NOX4: variants seen among roughly 807,000 people sequenced by gnomAD.
The protein encoded by NOX4 is kidney oxidase-1.
In NOX4, 69 loss-of-function variants were observed where a neutral mutation model predicts 87.6. That is an observed-to-expected ratio of 0.79 (90% CI 0.65 to 0.96). NOX4 has a LOEUF of 0.96. Ranked by LOEUF, NOX4 falls within the 40% of genes least tolerant of loss-of-function variation. NOX4 has a pLI of 0.00. For synonymous variants in NOX4, 275 were observed against 238.2 expected, an observed-to-expected ratio of 1.15 and a Z score of -1.42; for missense variants, 680 against 681.5, an observed-to-expected ratio of 1.00 and a Z score of 0.02.
At chr11:89,506,470 AC>A in the NOX4 span, among the ~76,000 whole-genome samples, 1 of 151,806 alleles carries the variant, frequency 6.6e-6, no homozygotes, top group East Asian at 1.9e-4. Context: ...AAAGCCTACA[AC>A]TATAAAATAC....
At position 89,326,507 on chromosome 11, in the gene NOX4, T is replaced by A; in HGVS notation, c.*249A>T. The A allele has an allele frequency of 3.3e-6, 1 of 302,396 alleles. No homozygotes were observed. The highest frequency in any genetic ancestry group is 6.1e-6 in the Non-Finnish European group (1 of 163,746). 18.7% of individuals were successfully genotyped at this position (302,396 alleles called of 1,614,324 possible). The stretch of plus-strand genomic sequence containing the variant: ...AATCAACAGTGTGCATCTAACAGTT[T>A]TCTTTTAATTTGAGAACTGAAAAGT... On this transcript the variant is annotated 3_prime_UTR_variant, in exon 18 of 18. Coordinates refer to ENST00000263317, the MANE Select transcript of NOX4 (RefSeq NM_016931.5).
intron 11 of NOX4, among the ~76,000 whole-genome samples, chr11:89,393,093 G>A (rs1224584838): frequency 4.6e-5 from 7 of 152,148 alleles, no homozygotes; most frequent in Non-Finnish European, 8.8e-5. Context: ...TGCGGTGGTT[G>A]TCAACTGTAG....
intron 12 of NOX4, among the ~76,000 whole-genome samples, chr11:89,371,373 A>G (rs1939432265): frequency 6.6e-6 from 1 of 151,992 alleles, no homozygotes; most frequent in Non-Finnish European, 1.5e-5. Context: ...TAATACATTA[A>G]AAAGGGAGAA....
intron 4 of NOX4, 120 bp from the exon 5 acceptor site, chr11:89,444,352 G>A: frequency 4.1e-6 from 3 of 723,208 alleles, no homozygotes; most frequent in Non-Finnish European, 6.9e-6. Flanking sequence ...TGTGGACAAT[G>A]AAATATTACA....
the NOX4 span, among the ~76,000 whole-genome samples, chr11:89,554,701 A>G: frequency 6.6e-6 from 1 of 152,146 alleles, no homozygotes; most frequent in Non-Finnish European, 1.5e-5. Context: ...TGTATTCTTA[A>G]TGATTCCTAA....
rs145686545 is a variant in NOX4, at chr11:89,491,219, C to T, written c.28G>A (p.Ala10Thr). MAVSWRSWLANEGVKHLCLF... is the reference protein window; with the variant it reads MAVSWRSWLTNEGVKHLCLF... The stretch of plus-strand genomic sequence containing the variant: ...CAGAGGTGTTTAACCCCTTCGTTGG[C>T]GAGCCAGCTCCTCCAGGACACAGCC... The change falls in exon 1 of 18, where the codon GCC (alanine) becomes ACC (threonine). Residue 10 changes from alanine to threonine, a missense_variant. Transcript: ENST00000263317. 120 of 1,613,426 alleles carry T rather than the reference C, an allele frequency of 7.4e-5. 1 individual carries two copies. The highest frequency in any genetic ancestry group is 4.5e-4 in the African/African-American group (34 of 74,916).
the NOX4 span, among the ~76,000 whole-genome samples, chr11:89,572,523 GT>G: frequency 6.6e-6 from 1 of 150,384 alleles, no homozygotes; most frequent in Non-Finnish European, 1.5e-5. Flanking sequence ...AGAATTATAT[GT>G]TTTTTTGTTT....
At chr11:89,392,136 C>A (rs1941175255) in intron 11 of NOX4, among the ~76,000 whole-genome samples, 2 of 151,880 alleles carry the variant, frequency 1.3e-5, no homozygotes, top group Admixed American at 1.3e-4. Context: ...AATATTCTTA[C>A]AGAACCAGAA....
upstream of NOX4, among the ~76,000 whole-genome samples, chr11:89,500,175 G>T (rs528361143): frequency 3.9e-5 from 6 of 152,170 alleles, no homozygotes; most frequent in South Asian, 1.2e-3. Context: ...TTAGGGTTCT[G>T]CATTCTTTTC....
chr11:89,429,283 T>C (rs576825287), intron 7 of NOX4, among the ~76,000 whole-genome samples: 612 of 151,044 alleles, frequency 4.1e-3, no homozygotes, highest in South Asian at 0.011. Flanking sequence ...GACACCCTAA[T>C]ATCACAATTA....
intron 2 of NOX4, among the ~76,000 whole-genome samples, chr11:89,478,858 T>G (rs186891528): frequency 4.1e-4 from 63 of 152,270 alleles, no homozygotes; most frequent in African/African-American, 1.4e-3. Flanking sequence ...AGTTCAGTGA[T>G]GGGTTCTACA....
chr11:89,421,386 A>T (rs979709437), intron 8 of NOX4, among the ~76,000 whole-genome samples: 1 of 152,052 alleles, frequency 6.6e-6, no homozygotes, highest in African/African-American at 2.4e-5. Context: ...TAAGCTTAGG[A>T]TACATTATTT....
chr11:89,328,631 A>C (rs1381664058), intron 17 of NOX4, among the ~76,000 whole-genome samples: 1 of 152,156 alleles, frequency 6.6e-6, no homozygotes. Flanking sequence ...TTCAAAAAGC[A>C]AGAAAGTATG....
chr11:89,524,272 A>G, the NOX4 span, among the ~76,000 whole-genome samples: 1 of 152,208 alleles, frequency 6.6e-6, no homozygotes, highest in Admixed American at 6.5e-5. Context: ...TTAAGTTAGC[A>G]TCCTTTCTGG....
At chr11:89,572,024 C>G in the NOX4 span, among the ~76,000 whole-genome samples, 1 of 152,182 alleles carries the variant, frequency 6.6e-6, no homozygotes, top group East Asian at 1.9e-4. Flanking sequence ...CAAAAGAATA[C>G]AGTCTTTTGC....
chr11:89,373,299 CA>C (rs933527319), intron 12 of NOX4, 132 bp downstream of exon 12: 33 of 165,222 alleles, frequency 2.0e-4, no homozygotes, highest in East Asian at 2.2e-4. Flanking sequence ...AAAAAAAAAA[CA>C]AAAAAAAACC....
chr11:89,513,439 C>G, the NOX4 span, among the ~76,000 whole-genome samples: 30 of 151,674 alleles, frequency 2.0e-4, no homozygotes, highest in African/African-American at 6.8e-4. Flanking sequence ...AAATCCAAAG[C>G]AATGAAAAAA....
intron 2 of NOX4, among the ~76,000 whole-genome samples, chr11:89,459,597 T>G (rs1027285918): frequency 1.4e-4 from 21 of 152,004 alleles, no homozygotes; most frequent in Non-Finnish European, 2.5e-4. Flanking sequence ...GAATCCAACT[T>G]ACAAGGGATG....
chr11:89,346,348 T>G (rs2134935161), intron 13 of NOX4, among the ~76,000 whole-genome samples: 1 of 152,166 alleles, frequency 6.6e-6, no homozygotes, highest in South Asian at 2.1e-4. Context: ...GGAGTCCCCA[T>G]AAAATAATCA....
Sources: allele counts gnomAD v4.1 joint callset (sites outside exome capture counted in the v4.1 genomes callset), GRCh38; gene constraint gnomAD v4.1.1; transcripts MANE v1.5; gene names NCBI Gene and HGNC (gene_info 2026-07-23, HGNC 2026-07-21).